AGBL4: variants seen among roughly 807,000 people sequenced by gnomAD.
AGBL4 encodes the protein cytosolic carboxypeptidase 6.
Under a neutral mutation model 66.4 loss-of-function variants are expected in AGBL4, and 58 were observed. The observed-to-expected ratio is 0.87, with a 90% CI of 0.71 to 1.09. The LOEUF (loss-of-function observed/expected upper bound fraction) is 1.09, where lower values mean the gene tolerates loss of function less well. Among genes scored for constraint, AGBL4 ranks in the 50% least tolerant of loss-of-function variants. The pLI is 0.00. For synonymous variants in AGBL4, 234 were observed against 222.9 expected (o/e 1.05, Z -0.44); for missense variants, 579 against 631.0 (o/e 0.92, Z 0.88).
chr1:49,518,195 A>G (rs958086133), intron 3 of AGBL4, among the ~76,000 whole-genome samples: 1 of 152,076 alleles, frequency 6.6e-6, no homozygotes, highest in African/African-American at 2.4e-5. Context: ...TAGTTAGGTT[A>G]CATTCATTCA....
intron 2 of AGBL4, among the ~76,000 whole-genome samples, chr1:49,765,819 G>A (rs1264960603): frequency 6.6e-6 from 1 of 151,944 alleles, no homozygotes; most frequent in African/African-American, 2.4e-5. Flanking sequence ...ATCAATAGAT[G>A]AGATCAAGCA....
At position 49,578,016 on chromosome 1, in the gene AGBL4, C is replaced by T. The variant is rs34507644; in HGVS notation, c.282+119297G>A. The stretch of plus-strand genomic sequence containing the variant: ...ACTAACAAAATGTTTGCTTTCTGTT[C>T]CCGTGACCTTATGTTCTGCTGGCCT... On this transcript the variant is annotated intron_variant, in intron 3 of 13. Coordinates refer to ENST00000371839, the MANE Select transcript of AGBL4 (RefSeq NM_032785.4). Among the ~76,000 whole-genome samples, 1,206 of 152,274 alleles carry T rather than the reference C, an allele frequency of 7.9e-3. 8 individuals carry two copies. Among genetic ancestry groups the T allele is most frequent in the Non-Finnish European group, 0.012 (784 of 68,010 alleles).
chr1:49,548,406 G>C (rs910916895), intron 3 of AGBL4, among the ~76,000 whole-genome samples: 1 of 152,116 alleles, frequency 6.6e-6, no homozygotes, highest in African/African-American at 2.4e-5. Flanking sequence ...TATGTTGGCT[G>C]TGGGTTTGTC....
At chr1:48,938,422 AG>A (rs1309141090) in intron 5 of AGBL4, among the ~76,000 whole-genome samples, 1 of 152,214 alleles carries the variant, frequency 6.6e-6, no homozygotes, top group African/African-American at 2.4e-5. Context: ...AGTACTATAA[AG>A]GGGGGAACAC....
chr1:49,418,145 G>T (rs1365366737), intron 3 of AGBL4, among the ~76,000 whole-genome samples: 2 of 152,118 alleles, frequency 1.3e-5, no homozygotes, highest in Non-Finnish European at 2.9e-5. Context: ...GCAGTTTTAT[G>T]TCTATAATTC....
chr1:48,571,482 G>A (rs961051905), intron 11 of AGBL4, among the ~76,000 whole-genome samples: 5 of 152,214 alleles, frequency 3.3e-5, no homozygotes, highest in African/African-American at 1.2e-4. Context: ...TGTGTTTTGG[G>A]ACTGTGCCCT....
chr1:49,482,530 T>A (rs1337373358), intron 3 of AGBL4, among the ~76,000 whole-genome samples: 2 of 151,406 alleles, frequency 1.3e-5, no homozygotes, highest in African/African-American at 2.4e-5. Flanking sequence ...TTTTCTTCTT[T>A]ATTAGTCTAG....
intron 2 of AGBL4, among the ~76,000 whole-genome samples, chr1:49,738,422 T>G (rs1472419481): frequency 1.3e-5 from 2 of 152,192 alleles, no homozygotes. Context: ...TCAAACTGGG[T>G]GGAGCCCACC....
At chr1:48,714,804 G>T (rs1241766774) in intron 6 of AGBL4, among the ~76,000 whole-genome samples, 1 of 152,178 alleles carries the variant, frequency 6.6e-6, no homozygotes, top group African/African-American at 2.4e-5. Context: ...GCCCTGCTTG[G>T]AACCCATGCT....
chr1:48,582,077 C>T (rs1327731462), intron 11 of AGBL4, among the ~76,000 whole-genome samples: 1 of 152,192 alleles, frequency 6.6e-6, no homozygotes, highest in African/African-American at 2.4e-5. Flanking sequence ...AGATGGTTCA[C>T]AGGGTTTTGT....
chr1:49,228,498 A>G (rs1372040221), intron 4 of AGBL4, among the ~76,000 whole-genome samples: 3 of 152,182 alleles, frequency 2.0e-5, no homozygotes, highest in Non-Finnish European at 4.4e-5. Flanking sequence ...AGTAAAGTCA[A>G]AAGAGGTGAG....
chr1:49,283,101 C>T (rs1644316308), intron 3 of AGBL4, among the ~76,000 whole-genome samples: 1 of 152,226 alleles, frequency 6.6e-6, no homozygotes, highest in Non-Finnish European at 1.5e-5. Flanking sequence ...GCACTAACCT[C>T]TGCAGACTTA....
intron 3 of AGBL4, among the ~76,000 whole-genome samples, chr1:49,545,493 A>T (rs900568905): frequency 6.6e-6 from 1 of 152,210 alleles, no homozygotes; most frequent in Admixed American, 6.5e-5. Flanking sequence ...TTCTTGACTC[A>T]CAGAAACTAT....
intron 4 of AGBL4, among the ~76,000 whole-genome samples, chr1:49,173,335 C>A (rs1056224168): frequency 6.6e-6 from 1 of 152,132 alleles, no homozygotes; most frequent in African/African-American, 2.4e-5. Context: ...GATTGGAATA[C>A]AGCTCAAAGA....
intron 3 of AGBL4, among the ~76,000 whole-genome samples, chr1:49,674,128 G>T (rs1646534628): frequency 6.6e-6 from 1 of 152,036 alleles, no homozygotes; most frequent in Non-Finnish European, 1.5e-5. Context: ...GCTCACTAGT[G>T]ATCTATAAGC....
chr1:49,818,458 C>T (rs772699135), intron 2 of AGBL4, among the ~76,000 whole-genome samples: 7 of 151,556 alleles, frequency 4.6e-5, no homozygotes, highest in Non-Finnish European at 8.8e-5. Flanking sequence ...CTCAAACTTC[C>T]AGGCTCAAGA....
At chr1:49,454,774 C>G (rs1445229269) in intron 3 of AGBL4, among the ~76,000 whole-genome samples, 2 of 151,734 alleles carry the variant, frequency 1.3e-5, no homozygotes. Context: ...TCATAAGTCT[C>G]ATAAGTTAGT....
chr1:48,750,629 C>T (rs989853701), intron 6 of AGBL4, among the ~76,000 whole-genome samples: 8 of 152,212 alleles, frequency 5.3e-5, no homozygotes, highest in East Asian at 1.9e-4. Context: ...TTGATTTCTC[C>T]GTGCCTAGCA....
chr1:49,590,284 C>T (rs1644727231), intron 3 of AGBL4, among the ~76,000 whole-genome samples: 1 of 150,488 alleles, frequency 6.6e-6, no homozygotes. Context: ...ATAATGTTCA[C>T]AAAAATATTT....
Sources: allele counts gnomAD v4.1 joint callset (sites outside exome capture counted in the v4.1 genomes callset), GRCh38; gene constraint gnomAD v4.1.1; transcripts MANE v1.5; gene names NCBI Gene and HGNC (gene_info 2026-07-23, HGNC 2026-07-21).